Variants in VRK2 observed in about 807,000 individuals in gnomAD.
VRK2 encodes serine/threonine-protein kinase VRK2.
Under a neutral mutation model 57.6 loss-of-function variants are expected in VRK2, and 60 were observed. That is an observed-to-expected ratio of 1.04 (90% CI 0.85 to 1.29). The LOEUF is 1.29. Ranked by LOEUF, VRK2 falls within the 50% of genes most tolerant of loss-of-function variation. The pLI is 0.00. For missense variants in VRK2, 705 were observed against 588.1 expected, an observed-to-expected ratio of 1.20 and a Z score of -2.06; for synonymous variants, 231 against 199.2, an observed-to-expected ratio of 1.16 and a Z score of -1.35.
chr2:58,142,181 T>A (rs901714131), intron 11 of VRK2, among the ~76,000 whole-genome samples: 1 of 151,942 alleles, frequency 6.6e-6, no homozygotes, highest in African/African-American at 2.4e-5. Context: ...TTTTTAAATG[T>A]TATTTTGCTA....
At chr2:58,087,801 A>G (rs1481277477) in intron 5 of VRK2, among the ~76,000 whole-genome samples, 1 of 152,194 alleles carries the variant, frequency 6.6e-6, no homozygotes, top group South Asian at 2.1e-4. Flanking sequence ...ATCCTGGCCA[A>G]CATGGTGAAA....
intron 1 of VRK2, among the ~76,000 whole-genome samples, chr2:57,934,499 CTCTT>C (rs1670839114): frequency 2.0e-5 from 3 of 152,176 alleles, no homozygotes; most frequent in Admixed American, 2.0e-4. Flanking sequence ...TGAAAATTCT[CTCTT>C]TATGTTTGAT....
At chr2:58,007,777 T>C (rs1220767679) in intron 1 of VRK2, among the ~76,000 whole-genome samples, 1 of 152,088 alleles carries the variant, frequency 6.6e-6, no homozygotes, top group Non-Finnish European at 1.5e-5. Context: ...GTCAACTGTA[T>C]GCCTATATTA....
At chr2:58,019,389 A>G (rs1415399609) in intron 1 of VRK2, among the ~76,000 whole-genome samples, 1 of 152,198 alleles carries the variant, frequency 6.6e-6, no homozygotes, top group Non-Finnish European at 1.5e-5. Flanking sequence ...TAACTTTAGC[A>G]TTTAGCCATG....
intron 1 of VRK2, among the ~76,000 whole-genome samples, chr2:57,998,655 A>G (rs1454053930): frequency 2.6e-5 from 4 of 152,206 alleles, no homozygotes; most frequent in East Asian, 1.9e-4. Context: ...CTGATGAACC[A>G]TAAGTTATAT....
intron 2 of VRK2, among the ~76,000 whole-genome samples, chr2:58,070,547 G>C (rs1669233675): frequency 6.6e-6 from 1 of 152,040 alleles, no homozygotes; most frequent in Non-Finnish European, 1.5e-5. Context: ...GCCATTTTCA[G>C]AATGGCATAT....
intron 2 of VRK2, among the ~76,000 whole-genome samples, chr2:58,077,277 A>G (rs904279456): frequency 2.0e-5 from 3 of 151,946 alleles, no homozygotes; most frequent in African/African-American, 7.3e-5. Context: ...AGAACCTAGA[A>G]CACCCTATCA....
intron 1 of VRK2, among the ~76,000 whole-genome samples, chr2:57,984,045 C>T (rs903723063): frequency 6.6e-6 from 1 of 152,132 alleles, no homozygotes; most frequent in African/African-American, 2.4e-5. Context: ...AGCTCACAAA[C>T]TTTTTCTATA....
At chr2:58,080,135 G>A (rs1048234213) in intron 2 of VRK2, among the ~76,000 whole-genome samples, 1 of 151,890 alleles carries the variant, frequency 6.6e-6, no homozygotes, top group Non-Finnish European at 1.5e-5. Flanking sequence ...AGGAAGACAA[G>A]TAATAAAAAC....
chr2:58,005,364 G>T (rs1184642738), intron 1 of VRK2, among the ~76,000 whole-genome samples: 1 of 152,076 alleles, frequency 6.6e-6, no homozygotes, highest in African/African-American at 2.4e-5. Flanking sequence ...ATTATAGAAA[G>T]TGTGTAGATT....
At chr2:57,952,476 T>C (rs1671457450) in intron 1 of VRK2, among the ~76,000 whole-genome samples, 2 of 152,186 alleles carry the variant, frequency 1.3e-5, no homozygotes, top group South Asian at 4.1e-4. Flanking sequence ...TCTTCCAAAC[T>C]CTGGTTTTTC....
intron 1 of VRK2, among the ~76,000 whole-genome samples, chr2:57,945,796 G>T (rs1000922795): frequency 4.6e-5 from 7 of 151,980 alleles, no homozygotes; most frequent in Admixed American, 4.6e-4. Flanking sequence ...AATATTTGAG[G>T]ATAATAAAAA....
At chr2:58,064,934 G>A (rs1201739678) in intron 2 of VRK2, among the ~76,000 whole-genome samples, 1 of 151,778 alleles carries the variant, frequency 6.6e-6, no homozygotes, top group Non-Finnish European at 1.5e-5. Flanking sequence ...TGCTTGTTCT[G>A]TTTTTCTCTT....
chr2:58,072,216 A>C (rs1489448770), intron 2 of VRK2, among the ~76,000 whole-genome samples: 1 of 151,924 alleles, frequency 6.6e-6, no homozygotes, highest in Non-Finnish European at 1.5e-5. Flanking sequence ...TCATATGTGA[A>C]CAAAGATGGT....
chr2:58,043,977 T>C (rs1674569949), upstream of VRK2, among the ~76,000 whole-genome samples: 1 of 152,244 alleles, frequency 6.6e-6, no homozygotes, highest in Admixed American at 6.5e-5. Flanking sequence ...TTTTATACTT[T>C]ATAAGTGCAC....
At position 57,960,456 on chromosome 2, in the gene VRK2, G is replaced by A. The variant is rs143081842; in HGVS notation, c.-439+52617G>A. The stretch of plus-strand genomic sequence containing the variant: ...TGAAGTTAGTGGGGCTTGAGAAATT[G>A]TGGCCACATGAATGGTCTGGTGCAT... On this transcript the variant is annotated intron_variant, in intron 1 of 15. Coordinates refer to the VRK2 transcript ENST00000417641. Among the ~76,000 whole-genome samples the A allele has an allele frequency of 1.7e-3, 252 of 152,330 alleles. 1 individual carries two copies. The highest frequency in any genetic ancestry group is 5.5e-3 in the African/African-American group (229 of 41,572).
chr2:58,151,389 A>G (rs1401440009), intron 12 of VRK2, among the ~76,000 whole-genome samples: 2 of 151,796 alleles, frequency 1.3e-5, no homozygotes, highest in African/African-American at 2.4e-5. Flanking sequence ...ACTTTTAACA[A>G]TTCCAGCCTT....
rs574743624 is a variant in VRK2, at chr2:58,056,619, C to A, written c.136+7652C>A. 5.9e-3 allele frequency among the ~76,000 whole-genome samples: 896 copies of A among 152,262 alleles called. 8 individuals carry two copies. The highest frequency in any genetic ancestry group is 0.02 in the African/African-American group (845 of 41,564). The stretch of plus-strand genomic sequence containing the variant: ...GAGTAACTAGTGTGGCTACTCACCC[C>A]ACTTCCTCTCATCTTCCCATTCTGC... On this transcript the variant is annotated intron_variant, in intron 2 of 12. Transcript: ENST00000340157.
chr2:58,121,847 G>A (rs568231031), intron 7 of VRK2, among the ~76,000 whole-genome samples: 1 of 152,224 alleles, frequency 6.6e-6, no homozygotes, highest in South Asian at 2.1e-4. Flanking sequence ...TGGGGAGGGG[G>A]AATGGTAACC....
Sources: allele counts gnomAD v4.1 joint callset (sites outside exome capture counted in the v4.1 genomes callset), GRCh38; gene constraint gnomAD v4.1.1; transcripts MANE v1.5; gene names NCBI Gene and HGNC (gene_info 2026-07-23, HGNC 2026-07-21).